RBFOX1: variants seen among roughly 807,000 people sequenced by gnomAD.
RBFOX1 encodes the protein RNA binding fox-1 homolog 1.
In RBFOX1, 8 loss-of-function variants were observed where a neutral mutation model predicts 57.7. The observed-to-expected ratio is 0.14, with a 90% CI of 0.08 to 0.25. The LOEUF is 0.25. RBFOX1 is among the 10% of genes least tolerant of loss of function. The pLI, the probability that RBFOX1 is intolerant of heterozygous loss-of-function variation, is 1.00. For synonymous variants in RBFOX1, 326 were observed against 222.4 expected (o/e 1.47, Z -4.15); for missense variants, 611 against 548.5 (o/e 1.11, Z -1.14).
intron 2 of RBFOX1, among the ~76,000 whole-genome samples, chr16:5,496,120 C>A (rs1345747168): frequency 1.3e-5 from 2 of 151,312 alleles, no homozygotes; most frequent in African/African-American, 4.8e-5. Flanking sequence ...TGCGAGACTC[C>A]ATCTCAAAAA....
chr16:5,850,906 G>C (rs773513655), intron 3 of RBFOX1, among the ~76,000 whole-genome samples: 13 of 152,218 alleles, frequency 8.5e-5, no homozygotes, highest in Admixed American at 7.9e-4. Context: ...TAAAGGCTGG[G>C]ACAGCAGGTG....
chr16:5,263,946 C>G (rs2062797853), intron 1 of RBFOX1, among the ~76,000 whole-genome samples: 1 of 152,118 alleles, frequency 6.6e-6, no homozygotes, highest in Admixed American at 6.6e-5. Flanking sequence ...GTGATTCTTT[C>G]CAGTATCATT....
intron 4 of RBFOX1, among the ~76,000 whole-genome samples, chr16:7,373,557 C>T (rs913765135): frequency 2.0e-5 from 3 of 152,114 alleles, no homozygotes; most frequent in African/African-American, 7.2e-5. Context: ...AAAGAGAGTG[C>T]CCGGGCAAGC....
intron 3 of RBFOX1, 86 bp downstream of exon 3, chr16:6,654,736 C>A: frequency 1.0e-6 from 1 of 1,004,596 alleles, no homozygotes; most frequent in South Asian, 1.8e-5. Context: ...ATGCCCCTCT[C>A]GATGATGGTT....
At chr16:5,340,296 C>T (rs184575435) in intron 1 of RBFOX1, among the ~76,000 whole-genome samples, 1 of 152,188 alleles carries the variant, frequency 6.6e-6, no homozygotes, top group East Asian at 1.9e-4. Context: ...GAATTTGGAC[C>T]AGGTTTGTGG....
chr16:6,991,851 T>C (rs1178470867), intron 3 of RBFOX1, among the ~76,000 whole-genome samples: 1 of 152,134 alleles, frequency 6.6e-6, no homozygotes, highest in Non-Finnish European at 1.5e-5. Flanking sequence ...ACTTCTGAAA[T>C]GTTAATGTGC....
intron 1 of RBFOX1, among the ~76,000 whole-genome samples, chr16:6,076,192 G>T (rs71392458): frequency 2.6e-5 from 4 of 151,988 alleles, no homozygotes; most frequent in African/African-American, 7.2e-5. Flanking sequence ...CCAGCTACTC[G>T]GGAGGCTGAG....
intron 4 of RBFOX1, among the ~76,000 whole-genome samples, chr16:7,268,269 C>T (rs970169241): frequency 6.6e-6 from 1 of 152,158 alleles, no homozygotes; most frequent in African/African-American, 2.4e-5. Context: ...ACTGTGTTTG[C>T]ATTTTCAAAA....
In RBFOX1 at chr16:7,052,048, T is replaced by A. The variant is rs2050274096; in HGVS notation, c.-15-9T>A. On this transcript the variant is annotated splice_polypyrimidine_tract_variant and intron_variant, in intron 3 of 15. Coordinates refer to ENST00000550418, the MANE Select transcript of RBFOX1 (RefSeq NM_018723.4). ...CTGACTTTTCCCCTTCATTTTCTTT[T>A]CTTTCTAGGTTTCAAGACAACAGAT... 1 of 1,612,426 alleles carries A rather than the reference T, an allele frequency of 6.2e-7. No homozygotes were observed. The highest frequency in any genetic ancestry group is 2.2e-5 in the East Asian group (1 of 44,772).
At chr16:5,732,137 A>C (rs1306459738) in intron 3 of RBFOX1, among the ~76,000 whole-genome samples, 1 of 152,230 alleles carries the variant, frequency 6.6e-6, no homozygotes, top group African/African-American at 2.4e-5. Context: ...AATTCTACAG[A>C]TAATTGCGGC....
At chr16:6,428,772 T>C (rs1450768201) in intron 2 of RBFOX1, among the ~76,000 whole-genome samples, 2 of 152,240 alleles carry the variant, frequency 1.3e-5, no homozygotes, top group Admixed American at 6.5e-5. Flanking sequence ...ATATAATCAT[T>C]TTTATTCTAT....
intron 3 of RBFOX1, among the ~76,000 whole-genome samples, chr16:6,777,462 T>A (rs1378319135): frequency 6.6e-6 from 1 of 152,176 alleles, no homozygotes. Flanking sequence ...TTCAGCTGCA[T>A]GTAAACTCAA....
At chr16:5,875,562 C>T (rs2057585933) in intron 4 of RBFOX1, among the ~76,000 whole-genome samples, 1 of 152,126 alleles carries the variant, frequency 6.6e-6, no homozygotes, top group South Asian at 2.1e-4. Flanking sequence ...GTAAGTAGTC[C>T]ATAATACACA....
intron 1 of RBFOX1, among the ~76,000 whole-genome samples, chr16:6,101,127 A>C (rs747015723): frequency 1.2e-4 from 18 of 152,182 alleles, no homozygotes; most frequent in Non-Finnish European, 4.4e-5. Context: ...AAATGGGTAT[A>C]ATACTGACTT....
intron 2 of RBFOX1, among the ~76,000 whole-genome samples, chr16:5,565,459 C>T (rs1444298254): frequency 2.6e-5 from 4 of 151,930 alleles, no homozygotes; most frequent in Non-Finnish European, 5.9e-5. Flanking sequence ...AAGCCTGTGT[C>T]TACTAAAAAT....
chr16:7,024,226 G>A (rs965813356), intron 3 of RBFOX1, among the ~76,000 whole-genome samples: 3 of 152,038 alleles, frequency 2.0e-5, no homozygotes, highest in Admixed American at 1.3e-4. Context: ...TACAGCATTG[G>A]CACTCATATC....
intron 3 of RBFOX1, among the ~76,000 whole-genome samples, chr16:5,830,004 T>C (rs996431188): frequency 4.6e-5 from 7 of 152,176 alleles, no homozygotes; most frequent in African/African-American, 1.7e-4. Flanking sequence ...TCCAGTCTCT[T>C]CGTTTGCTCA....
chr16:5,815,156 ATTTTTTTTT>A (rs71142650), intron 3 of RBFOX1, among the ~76,000 whole-genome samples: 7 of 114,210 alleles, frequency 6.1e-5, no homozygotes, highest in African/African-American at 2.4e-4. Context: ...ATTTAATTTA[ATTTTTTTTT>A]TTTTTTTTTT....
intron 4 of RBFOX1, among the ~76,000 whole-genome samples, chr16:7,380,741 C>A (rs2147929316): frequency 6.6e-6 from 1 of 152,256 alleles, no homozygotes; most frequent in African/African-American, 2.4e-5. Context: ...TGGCTATAGC[C>A]ACAGCTAGAA....
Sources: gnomAD v4.1 joint callset for allele counts (sites outside exome capture counted in the v4.1 genomes callset) on GRCh38, gnomAD v4.1.1 for gene constraint, MANE v1.5 for transcripts, NCBI Gene and HGNC (gene_info 2026-07-23, HGNC 2026-07-21) for gene names.